The following PXT1 variants were observed in gnomAD, a reference collection of about 807,000 sequenced individuals.
The protein encoded by PXT1 is peroxisomal testis-specific protein 1.
Under a neutral mutation model 11.0 loss-of-function variants are expected in PXT1, and 11 were observed. The ratio of observed to expected loss-of-function variants is 1.00; its 90% CI spans 0.63 to 1.66. The LOEUF (loss-of-function observed/expected upper bound fraction) is 1.66, where lower values mean the gene tolerates loss of function less well. Ranked by LOEUF, PXT1 falls within the 40% of genes most tolerant of loss-of-function variation. PXT1 has a pLI of 0.00. For synonymous variants in PXT1, 43 were observed against 51.4 expected (o/e 0.84, Z 0.70); for missense variants, 141 against 155.5 (o/e 0.91, Z 0.49).
At chr6:36,406,976 T>A (rs576383603) in intron 3 of PXT1, among the ~76,000 whole-genome samples, 33 of 152,272 alleles carry the variant, frequency 2.2e-4, no homozygotes, top group South Asian at 1.2e-3. Flanking sequence ...AAACAAATAA[T>A]CTTAAATATC....
intron 2 of PXT1, among the ~76,000 whole-genome samples, chr6:36,433,841 G>GAAAT (rs1774728363): frequency 5.0e-5 from 2 of 39,726 alleles, no homozygotes; most frequent in East Asian, 8.4e-4. Flanking sequence ...AAAAAAAAAA[G>GAAAT]AAAAGAAAAG....
At chr6:36,401,717 A>G (rs1244530127) in intron 3 of PXT1, among the ~76,000 whole-genome samples, 3 of 151,828 alleles carry the variant, frequency 2.0e-5, no homozygotes, top group African/African-American at 7.3e-5. Context: ...AATTTAAATT[A>G]ATTAAAATTA....
At chr6:36,397,902 G>A (rs1484442996) in intron 4 of PXT1, among the ~76,000 whole-genome samples, 2 of 152,000 alleles carry the variant, frequency 1.3e-5, no homozygotes, top group Non-Finnish European at 2.9e-5. Flanking sequence ...TGTGGTCTCA[G>A]CTACTCAGGA....
At chr6:36,403,224 A>C (rs1774239420) in intron 3 of PXT1, among the ~76,000 whole-genome samples, 1 of 152,178 alleles carries the variant, frequency 6.6e-6, no homozygotes, top group South Asian at 2.1e-4. Flanking sequence ...GATGGTTTAG[A>C]GCAGTTGAGT....
chr6:36,425,830 T>TA, intron 3 of PXT1, 84 bp downstream of exon 3: 3 of 519,602 alleles, frequency 5.8e-6, no homozygotes, highest in Non-Finnish European at 9.3e-6. Context: ...ATATATATAT[T>TA]TAATGTCCAA....
At chr6:36,425,400 G>A (rs1430071622) in intron 3 of PXT1, among the ~76,000 whole-genome samples, 1 of 152,174 alleles carries the variant, frequency 6.6e-6, no homozygotes, top group Non-Finnish European at 1.5e-5. Flanking sequence ...AAACTAAAGA[G>A]ATTTAGTACC....
At chr6:36,401,580 C>T (rs964060856) in intron 3 of PXT1, among the ~76,000 whole-genome samples, 8 of 148,110 alleles carry the variant, frequency 5.4e-5, no homozygotes, top group Non-Finnish European at 3.0e-5. Flanking sequence ...CACACCACTG[C>T]GCTCCAGCCT....
chr6:36,435,643 C>A (rs1458077030), intron 2 of PXT1, among the ~76,000 whole-genome samples: 1 of 151,956 alleles, frequency 6.6e-6, no homozygotes, highest in East Asian at 1.9e-4. Context: ...TGAAAAGGCC[C>A]AGAACAACAA....
intron 3 of PXT1, among the ~76,000 whole-genome samples, chr6:36,416,670 A>G (rs1403081469): frequency 6.6e-6 from 1 of 152,218 alleles, no homozygotes; most frequent in African/African-American, 2.4e-5. Context: ...AACGATGTTC[A>G]TAAAGTACCT....
At chr6:36,440,204 C>T (rs550656681) in intron 1 of PXT1, among the ~76,000 whole-genome samples, 54 of 152,140 alleles carry the variant, frequency 3.5e-4, no homozygotes, top group Non-Finnish European at 4.4e-4. Flanking sequence ...TAAGCTTAGT[C>T]GGTAGAAATG....
rs536955566 is a variant in PXT1, at chr6:36,434,166, T to TA, written c.-10+4600dup. ...GGTTGACAGAGTAAGACCCTGTCTC[T>TA]AAAAAAAAAGAAAAAGAAAAAGAAA... is the stretch of plus-strand genomic sequence containing the variant. On this transcript the variant is annotated intron_variant, in intron 2 of 4. Coordinates refer to ENST00000454782, the MANE Select transcript of PXT1 (RefSeq NM_152990.4). 8.1e-5 allele frequency among the ~76,000 whole-genome samples: 12 copies of TA among 148,262 alleles called. 1 individual carries two copies. The South Asian group carries it at 8.5e-4, about 11-fold the overall frequency.
chr6:36,425,325 G>C (rs1582267233), intron 3 of PXT1, among the ~76,000 whole-genome samples: 1 of 152,198 alleles, frequency 6.6e-6, no homozygotes, highest in East Asian at 1.9e-4. Flanking sequence ...AGATAAATTT[G>C]ATCTATTTTA....
At chr6:36,408,591 A>T (rs181906965) in intron 3 of PXT1, among the ~76,000 whole-genome samples, 177 of 150,458 alleles carry the variant, frequency 1.2e-3, no homozygotes, top group East Asian at 0.011. Context: ...AGAAAAAAAA[A>T]TTTTTTGTAG....
intron 3 of PXT1, among the ~76,000 whole-genome samples, chr6:36,414,826 T>G (rs1460980380): frequency 6.6e-6 from 1 of 152,186 alleles, no homozygotes; most frequent in Non-Finnish European, 1.5e-5. Flanking sequence ...TCACCAGAGC[T>G]CAAGGCTTCA....
chr6:36,427,986 G>C (rs568125859), intron 2 of PXT1, among the ~76,000 whole-genome samples: 3 of 152,284 alleles, frequency 2.0e-5, no homozygotes, highest in African/African-American at 7.2e-5. Context: ...AGGGAGCTGA[G>C]AAATGAGGTG....
At chr6:36,439,869 C>T (rs1290717542) in intron 1 of PXT1, among the ~76,000 whole-genome samples, 1 of 152,132 alleles carries the variant, frequency 6.6e-6, no homozygotes, top group Non-Finnish European at 1.5e-5. Flanking sequence ...CATTTCCTGA[C>T]TCCCCTATCC....
At chr6:36,423,491 C>T (rs1774554332) in intron 3 of PXT1, among the ~76,000 whole-genome samples, 1 of 152,186 alleles carries the variant, frequency 6.6e-6, no homozygotes, top group African/African-American at 2.4e-5. Context: ...GCGACGCGGC[C>T]GGCGGCGGCG....
At chr6:36,427,087 C>T (rs2127416895) in intron 2 of PXT1, among the ~76,000 whole-genome samples, 1 of 135,400 alleles carries the variant, frequency 7.4e-6, no homozygotes, top group African/African-American at 2.8e-5. Context: ...ACTGCAACCT[C>T]TGCCTCCTGG....
intron 3 of PXT1, 95 bp downstream of exon 3, chr6:36,425,819 T>G: frequency 2.6e-6 from 1 of 381,692 alleles, no homozygotes; most frequent in Non-Finnish European, 4.2e-6. Flanking sequence ...TATATATATA[T>G]ATATATATAT....
Sources: allele counts gnomAD v4.1 joint callset (sites outside exome capture counted in the v4.1 genomes callset), GRCh38; gene constraint gnomAD v4.1.1; transcripts MANE v1.5; gene names NCBI Gene and HGNC (gene_info 2026-07-23, HGNC 2026-07-21).